UBQLN1: variants seen among roughly 807,000 people sequenced by gnomAD.
UBQLN1 encodes ubiquilin 1, also known as ubiquilin-1.
UBQLN1 carries 13 observed loss-of-function variants against 65.4 expected under a neutral mutation model. The observed-to-expected ratio is 0.20, with a 90% CI of 0.13 to 0.32. The LOEUF is 0.32. UBQLN1 is among the 10% of genes least tolerant of loss of function. UBQLN1 has a pLI of 1.00. For synonymous variants in UBQLN1, 267 were observed against 247.8 expected (o/e 1.08, Z -0.73); for missense variants, 561 against 724.0 (o/e 0.77, Z 2.58).
Position 83,706,756 on chromosome 9 carries a change from C to T in UBQLN1, c.180+744G>A, listed in dbSNP as rs189528888. Among the ~76,000 whole-genome samples, 895 of 152,204 alleles carry T rather than the reference C, an allele frequency of 5.9e-3. 12 individuals are homozygous for T. The highest frequency in any genetic ancestry group is 7.9e-3 in the Non-Finnish European group (536 of 68,022). On this transcript the variant is annotated intron_variant, in intron 1 of 10. Coordinates refer to ENST00000376395, the MANE Select transcript of UBQLN1 (RefSeq NM_013438.5). ...ATTTTCTTTTATTTGATTGCAACCG[C>T]TAATATCAACATCGCTATCGCCCCT...
At chr9:83,662,258 A>G (rs1380203374) in intron 10 of UBQLN1, among the ~76,000 whole-genome samples, 1 of 100,598 alleles carries the variant, frequency 9.9e-6, no homozygotes, top group Non-Finnish European at 1.8e-5. Context: ...GTGTGTGTGT[A>G]TATACATATA....
At chr9:83,692,139 CTTAAGT>C (rs931920597) in intron 1 of UBQLN1, among the ~76,000 whole-genome samples, 15 of 152,198 alleles carry the variant, frequency 9.9e-5, no homozygotes, top group African/African-American at 2.9e-4. Flanking sequence ...GTAAAAGAAT[CTTAAGT>C]TTAATTGTAC....
intron 6 of UBQLN1, among the ~76,000 whole-genome samples, chr9:83,673,546 TAAA>T (rs762494390): frequency 2.6e-5 from 2 of 75,546 alleles, no homozygotes; most frequent in African/African-American, 5.0e-5. Context: ...CTCGGTCTTT[TAAA>T]AAAAAAAAAA....
chr9:83,705,743 C>T (rs1832392411), intron 1 of UBQLN1, among the ~76,000 whole-genome samples: 1 of 152,030 alleles, frequency 6.6e-6, no homozygotes, highest in Non-Finnish European at 1.5e-5. Context: ...TTATGGTATA[C>T]ACATACAGTG....
chr9:83,662,008 AT>A (rs1325764546), intron 10 of UBQLN1, 69 bp from the exon 11 acceptor site: 13 of 1,457,916 alleles, frequency 8.9e-6, no homozygotes, highest in African/African-American at 2.8e-5. Context: ...GACTTTTAAA[AT>A]TTTTTAATTG....
In UBQLN1 at chr9:83,660,928, T is replaced by C. The variant is rs1013010919; in HGVS notation, c.*859A>G. On this transcript the variant is annotated 3_prime_UTR_variant, in exon 11 of 11. Transcript: ENST00000376395. Reference sequence around the variant, plus strand: ...ATTTTAATGCCTGTTAAACTACCTATGGGAGAAGCTGAGAAGTCCTAGGCA... The same window carrying C: ...ATTTTAATGCCTGTTAAACTACCTACGGGAGAAGCTGAGAAGTCCTAGGCA... The C allele has an allele frequency of 1.3e-5, 2 of 152,468 alleles. No individual in the cohort carries two copies. The highest frequency in any genetic ancestry group is 4.8e-5 in the African/African-American group (2 of 41,426). 9.4% of individuals were successfully genotyped at this position (152,468 alleles called of 1,614,324 possible).
chr9:83,666,267 G>A, intron 8 of UBQLN1, 83 bp downstream of exon 8: 1 of 1,359,240 alleles, frequency 7.4e-7, no homozygotes, highest in East Asian at 2.3e-5. Context: ...CTATCAGCCA[G>A]AGAAGAGCAA....
chr9:83,692,557 T>C (rs369456025), intron 1 of UBQLN1, among the ~76,000 whole-genome samples: 1 of 152,168 alleles, frequency 6.6e-6, no homozygotes, highest in Non-Finnish European at 1.5e-5. Flanking sequence ...ATTACAATTA[T>C]ACAAAATATT....
At chr9:83,671,625 G>C (rs1039764147) in intron 6 of UBQLN1, among the ~76,000 whole-genome samples, 1 of 152,096 alleles carries the variant, frequency 6.6e-6, no homozygotes, top group Non-Finnish European at 1.5e-5. Flanking sequence ...AAAATATTAA[G>C]TAAACCATGC....
Position 83,663,912 on chromosome 9 carries a change from T to G in UBQLN1, c.1580A>C (p.Gln527Pro). 6.2e-7 allele frequency: 1 copy of G among 1,614,128 alleles called. No individual in the cohort carries two copies. Among genetic ancestry groups the G allele is most frequent in the South Asian group, 1.1e-5 (1 of 91,080 alleles). ...TTEPGHQQFIQQMLQALAGVN... is the reference protein window; with the variant it reads ...TTEPGHQQFIPQMLQALAGVN... ...TCCAGCAAGAGCCTGCAGCATCTGC[T>G]GAATAAACTGCTGATGTCCAGGTTC... Residue 527 changes from glutamine to proline, a missense_variant, in exon 10 of 11, where the codon CAG (glutamine) becomes CCG (proline). By Grantham distance (76) the Gln-to-Pro change is moderately conservative (BLOSUM62 -1). Around this residue, in one of 8 missense-constraint regions of UBQLN1, gnomAD observed 68 missense variants for 62.2 expected, o/e 1.09. Transcript: ENST00000376395.
chr9:83,663,070 G>GA (rs568998289), intron 10 of UBQLN1, among the ~76,000 whole-genome samples: 1,067 of 106,350 alleles, frequency 0.01, 28 homozygotes, highest in East Asian at 0.045. Flanking sequence ...GAAAGGGAAA[G>GA]AAAAAAAAAA....
chr9:83,702,283 T>C (rs918132893), intron 1 of UBQLN1, among the ~76,000 whole-genome samples: 9 of 152,208 alleles, frequency 5.9e-5, no homozygotes, highest in Non-Finnish European at 1.3e-4. Flanking sequence ...GTGAACTGTA[T>C]GGTAGGCAAA....
At chr9:83,667,001 T>C (rs1167244722) in intron 7 of UBQLN1, 1 of 152,160 alleles carries the variant, frequency 6.6e-6, no homozygotes, top group Non-Finnish European at 1.5e-5. Context: ...AGCTGCTAGG[T>C]GAAAATCAGT....
At position 83,707,638 on chromosome 9, in the gene UBQLN1, C is replaced by T. The variant is rs1246538124; in HGVS notation, c.42G>A (p.Gln14=). 4.4e-6 allele frequency: 7 copies of T among 1,573,364 alleles called. No homozygotes were observed. In the African/African-American group the frequency reaches 9.5e-5, roughly 21 times the overall value. The change falls in exon 1 of 11, where the codon CAG becomes CAA. Residue 14 remains glutamine, a synonymous_variant. Transcript: ENST00000376395. ...SGESGGPPGS[Q]DSAAGAEGAG... ...CACCTTCGGCTCCGGCGGCGCTATC[C>T]TGGGAGCCCGGAGGACCGCCGCTTT...
chr9:83,706,664 G>A (rs1442650630), intron 1 of UBQLN1, among the ~76,000 whole-genome samples: 1 of 152,126 alleles, frequency 6.6e-6, no homozygotes, highest in Non-Finnish European at 1.5e-5. Context: ...ATTCCACCAA[G>A]AATCTTAATT....
At position 83,677,829 on chromosome 9, in the gene UBQLN1, A is replaced by T. The variant is rs1831864225; in HGVS notation, c.1003T>A (p.Ser335Thr). 26 of 1,614,072 alleles carry T rather than the reference A, an allele frequency of 1.6e-5. No individual in the cohort carries two copies. The highest frequency in any genetic ancestry group is 2.2e-5 in the Non-Finnish European group (26 of 1,180,004). ...APQTSQSSSA[S>T]SGTASTVGGT... Reference sequence around the variant, plus strand: ...CCCACAGTGCTGGCAGTGCCGCTGGAAGCTGATGAACTCTGGGAAGTCTGT... The same window carrying T: ...CCCACAGTGCTGGCAGTGCCGCTGGTAGCTGATGAACTCTGGGAAGTCTGT... The change falls in exon 6 of 11, where the codon TCC (serine) becomes ACC (threonine). Residue 335 changes from serine (S) to threonine (T), a missense_variant. By Grantham distance (58) the Ser-to-Thr change is moderately conservative. This residue lies in a region of UBQLN1 where 89 missense variants were observed against 77.8 expected (regional missense o/e 1.14). Transcript: ENST00000376395.
intron 1 of UBQLN1, among the ~76,000 whole-genome samples, chr9:83,697,551 CAAAAAAAA>C (rs750268209): frequency 0.025 from 875 of 34,470 alleles, 19 homozygotes; most frequent in African/African-American, 0.092. Context: ...GACACTGTCT[CAAAAAAAA>C]AAAAAAAAAA....
intron 1 of UBQLN1, among the ~76,000 whole-genome samples, chr9:83,689,863 T>C (rs527695071): frequency 3.9e-5 from 6 of 151,904 alleles, no homozygotes; most frequent in East Asian, 3.9e-4. Flanking sequence ...GGCCAAGAAA[T>C]TGAAACAGGA....
intron 6 of UBQLN1, among the ~76,000 whole-genome samples, chr9:83,673,722 T>C (rs1310629753): frequency 6.6e-6 from 1 of 152,144 alleles, no homozygotes; most frequent in Admixed American, 6.6e-5. Flanking sequence ...TCACTTATTG[T>C]CTATGGGTGT....
Sources: allele counts gnomAD v4.1 joint callset (sites outside exome capture counted in the v4.1 genomes callset), GRCh38; gene constraint gnomAD v4.1.1; regional missense constraint gnomAD v4.1.1; transcripts MANE v1.5; gene names NCBI Gene and HGNC (gene_info 2026-07-23, HGNC 2026-07-21).